Variants in PDE4D observed in about 807,000 individuals in gnomAD.
PDE4D encodes phosphodiesterase 4D.
Under a neutral mutation model 87.4 loss-of-function variants are expected in PDE4D, and 24 were observed. That is an observed-to-expected ratio of 0.27 (90% CI 0.20 to 0.39). The LOEUF (loss-of-function observed/expected upper bound fraction) is 0.39, where lower values mean the gene tolerates loss of function less well. PDE4D is among the 10% of genes least tolerant of loss of function. The pLI is 1.00. For synonymous variants in PDE4D, 384 were observed against 383.2 expected (o/e 1.00, Z -0.02); for missense variants, 714 against 1,041.0 (o/e 0.69, Z 4.32).
intron 6 of PDE4D, among the ~76,000 whole-genome samples, chr5:59,032,323 CA>C (rs1457642689): frequency 6.6e-6 from 1 of 152,062 alleles, no homozygotes; most frequent in Non-Finnish European, 1.5e-5. Context: ...ACAGAAATGA[CA>C]AAATCCCAGC....
At chr5:60,305,508 A>G (rs186313754) in intron 1 of PDE4D, among the ~76,000 whole-genome samples, 25 of 152,210 alleles carry the variant, frequency 1.6e-4, no homozygotes, top group African/African-American at 6.0e-4. Flanking sequence ...AGGAGAGTCC[A>G]GAGAAATAAA....
chr5:59,393,535 C>T (rs76533322), intron 1 of PDE4D, among the ~76,000 whole-genome samples: 10,320 of 152,230 alleles, frequency 0.068, 953 homozygotes, highest in African/African-American at 0.21. Flanking sequence ...ATGCATCCTA[C>T]CTTTCTCCAT....
At chr5:59,375,248 T>C (rs1784522380) in intron 1 of PDE4D, among the ~76,000 whole-genome samples, 1 of 152,102 alleles carries the variant, frequency 6.6e-6, no homozygotes, top group African/African-American at 2.4e-5. Context: ...ATCCAGGAGT[T>C]GTTCTTTTTT....
intron 1 of PDE4D, among the ~76,000 whole-genome samples, chr5:59,668,655 C>G (rs1454259748): frequency 6.6e-6 from 1 of 151,130 alleles, no homozygotes; most frequent in East Asian, 1.9e-4. Context: ...CTGCAGTGAG[C>G]CATGATTGCA....
chr5:59,889,363 C>T (rs1428890299), intron 1 of PDE4D, among the ~76,000 whole-genome samples: 1 of 151,754 alleles, frequency 6.6e-6, no homozygotes, highest in African/African-American at 2.4e-5. Context: ...TGACAGTAAT[C>T]CCAGCACTTT....
chr5:59,846,176 C>G (rs529846130), intron 1 of PDE4D, among the ~76,000 whole-genome samples: 1 of 152,000 alleles, frequency 6.6e-6, no homozygotes, highest in Non-Finnish European at 1.5e-5. Context: ...TGCAAAACTG[C>G]CTGTTTATTT....
At chr5:59,291,104 C>T (rs1242961779) in intron 1 of PDE4D, among the ~76,000 whole-genome samples, 3 of 151,928 alleles carry the variant, frequency 2.0e-5, no homozygotes, top group Non-Finnish European at 4.4e-5. Context: ...GAAAGAAAGT[C>T]AAAATATCAA....
At chr5:59,290,667 T>C (rs184953265) in intron 1 of PDE4D, among the ~76,000 whole-genome samples, 1 of 152,112 alleles carries the variant, frequency 6.6e-6, no homozygotes, top group Non-Finnish European at 1.5e-5. Context: ...TGGGAGGAAA[T>C]ATTTGCAAAC....
chr5:60,314,127 A>C (rs1056230642), intron 1 of PDE4D, among the ~76,000 whole-genome samples: 2 of 152,136 alleles, frequency 1.3e-5, no homozygotes, highest in African/African-American at 4.8e-5. Context: ...AGGCATCCAA[A>C]TAAGAACAGA....
upstream of PDE4D, among the ~76,000 whole-genome samples, chr5:59,896,070 T>A (rs1235296034): frequency 6.6e-6 from 1 of 152,200 alleles, no homozygotes; most frequent in Non-Finnish European, 1.5e-5. Flanking sequence ...TAGTTTCTTG[T>A]GTGATCTTTG....
chr5:60,023,050 G>A (rs538285425), intron 2 of PDE4D, among the ~76,000 whole-genome samples: 1 of 152,204 alleles, frequency 6.6e-6, no homozygotes, highest in South Asian at 2.1e-4. Flanking sequence ...TTAAATTCAG[G>A]AGGCCTCTGG....
intron 1 of PDE4D, among the ~76,000 whole-genome samples, chr5:59,625,516 AG>A (rs1351762646): frequency 1.3e-5 from 2 of 151,938 alleles, no homozygotes; most frequent in Admixed American, 6.6e-5. Context: ...AAAAAAAAAA[AG>A]GATATTGTTT....
chr5:59,668,849 GAAGAAGAAGAAGAAGAA>G, intron 1 of PDE4D, among the ~76,000 whole-genome samples: 1 of 36,018 alleles, frequency 2.8e-5, no homozygotes, highest in Non-Finnish European at 5.3e-5. Flanking sequence ...GGAAGAGGAA[GAAGAAGAAGAAGAAGAA>G]GAAGAAGAAG....
intron 1 of PDE4D, among the ~76,000 whole-genome samples, chr5:59,241,116 G>A (rs1158873286): frequency 6.6e-6 from 1 of 152,116 alleles, no homozygotes; most frequent in Admixed American, 6.5e-5. Context: ...AAGCTTATTT[G>A]TGGGCAGCAG....
rs78278105 is a variant in PDE4D at position 60,064,455 on chromosome 5, G to A, written c.43-75738C>T. ...ACTACATCTCATACTCAGAGCTCTCGTTGTGCTGTTTTCAATTAGAAAAAA... is the reference window on the plus strand; with the variant it reads ...ACTACATCTCATACTCAGAGCTCTCATTGTGCTGTTTTCAATTAGAAAAAA... On this transcript the variant is annotated intron_variant, in intron 2 of 16. Transcript: ENST00000502484. 3.8e-3 allele frequency among the ~76,000 whole-genome samples: 578 copies of A among 152,042 alleles called. 5 individuals are homozygous for A. Among genetic ancestry groups the A allele is most frequent in the African/African-American group, 0.013 (545 of 41,494 alleles).
At chr5:59,751,637 C>T (rs1561593047) in intron 1 of PDE4D, among the ~76,000 whole-genome samples, 3 of 146,970 alleles carry the variant, frequency 2.0e-5, no homozygotes, top group South Asian at 2.1e-4. Flanking sequence ...AGCGAGCAAG[C>T]GAGAGCAAGA....
chr5:59,299,935 C>T (rs1352260346), intron 1 of PDE4D, among the ~76,000 whole-genome samples: 1 of 151,982 alleles, frequency 6.6e-6, no homozygotes, highest in African/African-American at 2.4e-5. Flanking sequence ...CATGGCGAAA[C>T]CCTGTCTCTA....
At chr5:59,597,799 G>A (rs778778724) in intron 1 of PDE4D, among the ~76,000 whole-genome samples, 1 of 151,992 alleles carries the variant, frequency 6.6e-6, no homozygotes, top group Non-Finnish European at 1.5e-5. Flanking sequence ...TAAATTCAAG[G>A]CTAGTTATTA....
At chr5:59,242,060 A>C (rs1223522542) in intron 1 of PDE4D, among the ~76,000 whole-genome samples, 1 of 152,160 alleles carries the variant, frequency 6.6e-6, no homozygotes, top group East Asian at 1.9e-4. Flanking sequence ...CTATTTATTG[A>C]ATGAATTTTC....
Sources: allele counts gnomAD v4.1 joint callset (sites outside exome capture counted in the v4.1 genomes callset), GRCh38; gene constraint gnomAD v4.1.1; transcripts MANE v1.5; gene names NCBI Gene and HGNC (gene_info 2026-07-23, HGNC 2026-07-21).